The following IKZF3 variants were observed in gnomAD, a reference collection of about 807,000 sequenced individuals.
The protein encoded by IKZF3 is zinc finger protein Aiolos.
IKZF3 carries 10 observed loss-of-function variants against 49.0 expected under a neutral mutation model. The ratio of observed to expected loss-of-function variants is 0.20; its 90% CI spans 0.13 to 0.35. The LOEUF is 0.35. Ranked by LOEUF, IKZF3 falls within the 10% of genes least tolerant of loss-of-function variation. The pLI is 1.00. For missense variants in IKZF3, 498 were observed against 664.8 expected (o/e 0.75, Z 2.76); for synonymous variants, 209 against 228.2 (o/e 0.92, Z 0.76).
At chr17:39,835,835 A>G (rs2062261868) in intron 1 of IKZF3, 2 of 561,942 alleles carry the variant, frequency 3.6e-6, no homozygotes, top group Admixed American at 4.1e-5. Context: ...GGACAATTTT[A>G]TTCTCCATCT....
At position 39,759,887 on chromosome 17, in the gene IKZF3, T is replaced by A. The variant is rs1156340423; in HGVS notation, c.*5903A>T. The stretch of plus-strand genomic sequence containing the variant: ...AGGTATCACTATATATCGGGTTTTT[T>A]TCTTCTGTTCCTGGTGCTAACTTTT... On this transcript the variant is annotated 3_prime_UTR_variant, in exon 8 of 8. Transcript: ENST00000346872. 1 of 152,216 alleles carries A rather than the reference T, an allele frequency of 6.6e-6. No homozygotes were observed. The highest frequency in any genetic ancestry group is 2.4e-5 in the African/African-American group (1 of 41,456). The allele number at this position is 152,216 out of a possible 1,614,324, so 9.4% of individuals were successfully genotyped here. A position where few individuals can be genotyped will look rare whatever the true frequency, so the allele number is the denominator to read the frequency against.
intron 1 of IKZF3, among the ~76,000 whole-genome samples, chr17:39,845,367 A>G (rs2144442057): frequency 6.6e-6 from 1 of 150,400 alleles, no homozygotes; most frequent in Admixed American, 6.6e-5. Context: ...AAAAAAATAC[A>G]AAAAAAAATT....
At chr17:39,850,422 T>C (rs2062786882) in intron 1 of IKZF3, among the ~76,000 whole-genome samples, 1 of 132,258 alleles carries the variant, frequency 7.6e-6, no homozygotes, top group African/African-American at 2.9e-5. Context: ...TATAGCATAT[T>C]GTATGTATAT....
Position 39,759,879 on chromosome 17 carries a change from G to A in IKZF3, c.*5911C>T, listed in dbSNP as rs931426719. The A allele has an allele frequency of 2.6e-5, 4 of 152,088 alleles. No individual in the cohort carries two copies. The highest frequency in any genetic ancestry group is 1.9e-4 in the East Asian group (1 of 5,206). 9.4% of individuals were successfully genotyped at this position (152,088 alleles called of 1,614,324 possible). On this transcript the variant is annotated 3_prime_UTR_variant, in exon 8 of 8. Coordinates refer to ENST00000346872, the MANE Select transcript of IKZF3 (RefSeq NM_012481.5). ...AAAAGATGAGGTATCACTATATATC[G>A]GGTTTTTTTCTTCTGTTCCTGGTGC...
At chr17:39,799,846 T>C (rs1166993657) in intron 3 of IKZF3, among the ~76,000 whole-genome samples, 3 of 152,176 alleles carry the variant, frequency 2.0e-5, no homozygotes, top group African/African-American at 7.2e-5. Context: ...AGAAAAAAAA[T>C]TATGTTTCTT....
intron 7 of IKZF3, among the ~76,000 whole-genome samples, chr17:39,771,490 C>G (rs2060441806): frequency 6.6e-6 from 1 of 152,134 alleles, no homozygotes. Context: ...CATGGTAGAA[C>G]AAAACATAGA....
chr17:39,839,807 G>A (rs115466400), intron 1 of IKZF3, among the ~76,000 whole-genome samples: 150 of 151,944 alleles, frequency 9.9e-4, no homozygotes, highest in African/African-American at 3.3e-3. Flanking sequence ...CTACAGGTAG[G>A]TGTCACCATG....
intron 1 of IKZF3, among the ~76,000 whole-genome samples, chr17:39,834,658 C>T (rs2062211146): frequency 6.6e-6 from 1 of 151,940 alleles, no homozygotes; most frequent in African/African-American, 2.4e-5. Context: ...GGTGAATGTG[C>T]CATGTGTAGT....
intron 2 of IKZF3, 100 bp from the exon 3 acceptor site, chr17:39,829,588 T>A: frequency 1.3e-6 from 1 of 771,134 alleles, no homozygotes; most frequent in Non-Finnish European, 2.2e-6. Flanking sequence ...CTTCACACAA[T>A]CCTTTAGTGA....
intron 1 of IKZF3, among the ~76,000 whole-genome samples, chr17:39,845,210 T>A (rs2062595148): frequency 1.3e-5 from 2 of 152,144 alleles, no homozygotes; most frequent in Admixed American, 6.5e-5. Context: ...AAATTCAAAT[T>A]GCAGTGTTCA....
chr17:39,800,499 A>C (rs777673614), intron 3 of IKZF3, among the ~76,000 whole-genome samples: 9 of 152,238 alleles, frequency 5.9e-5, no homozygotes, highest in Non-Finnish European at 1.3e-4. Context: ...GGTAATTGCT[A>C]TACATTCCCA....
chr17:39,775,573 GAC>G (rs2060558958), intron 7 of IKZF3, among the ~76,000 whole-genome samples: 1 of 152,186 alleles, frequency 6.6e-6, no homozygotes, highest in Non-Finnish European at 1.5e-5. Context: ...AAATACTAGG[GAC>G]TGTCTCTCAA....
At chr17:39,851,266 T>C (rs1195360250) in intron 1 of IKZF3, among the ~76,000 whole-genome samples, 1 of 151,824 alleles carries the variant, frequency 6.6e-6, no homozygotes, top group African/African-American at 2.4e-5. Flanking sequence ...TGGGCTCAAG[T>C]GATCTGCCCG....
intron 7 of IKZF3, among the ~76,000 whole-genome samples, chr17:39,771,766 G>T (rs1048640930): frequency 1.3e-5 from 2 of 152,058 alleles, no homozygotes; most frequent in African/African-American, 2.4e-5. Flanking sequence ...TTGAGACAAG[G>T]TCTCACTCTG....
chr17:39,815,489 G>GT (rs2061658896), intron 3 of IKZF3, among the ~76,000 whole-genome samples: 2 of 152,144 alleles, frequency 1.3e-5, no homozygotes, highest in South Asian at 4.1e-4. Context: ...TAGTTGCTCT[G>GT]TGATCATAGG....
intron 6 of IKZF3, among the ~76,000 whole-genome samples, chr17:39,786,361 C>A (rs2060874789): frequency 6.6e-6 from 1 of 152,156 alleles, no homozygotes; most frequent in Admixed American, 6.5e-5. Flanking sequence ...TGCTCTCTTT[C>A]ATTCTAGCTT....
Position 39,766,513 on chromosome 17 carries a change from G to T in IKZF3, c.827-20C>A, listed in dbSNP as rs748161410. On this transcript the variant is annotated intron_variant, in intron 7 of 7. Transcript: ENST00000346872. ...TCTCACCTGGAACAAGTGACAGAAA[G>T]GGTTACAAAGGGAACACTGCCAAGG... 5 of 1,570,748 alleles carry T rather than the reference G, an allele frequency of 3.2e-6. No homozygotes were observed. In the Admixed American group the frequency reaches 6.8e-5, roughly 21 times the overall value.
At chr17:39,825,502 T>C (rs559946576) in intron 3 of IKZF3, among the ~76,000 whole-genome samples, 2 of 152,248 alleles carry the variant, frequency 1.3e-5, no homozygotes, top group East Asian at 1.9e-4. Flanking sequence ...GATTGGCTAG[T>C]TTTAATAATT....
chr17:39,796,654 C>A (rs1598034594), intron 3 of IKZF3, among the ~76,000 whole-genome samples: 1 of 151,346 alleles, frequency 6.6e-6, no homozygotes, highest in South Asian at 2.1e-4. Flanking sequence ...GATTCTCCTG[C>A]CTCAGCCTCC....
Sources: gnomAD v4.1 joint callset for allele counts (sites outside exome capture counted in the v4.1 genomes callset) on GRCh38, gnomAD v4.1.1 for gene constraint, MANE v1.5 for transcripts, NCBI Gene and HGNC (gene_info 2026-07-23, HGNC 2026-07-21) for gene names.